Variants in OSBPL8 observed in about 807,000 individuals in gnomAD.
OSBPL8 encodes oxysterol-binding protein-related protein 8.
OSBPL8 carries 59 observed loss-of-function variants against 125.5 expected under a neutral mutation model. That is an observed-to-expected ratio of 0.47 (90% confidence interval 0.38 to 0.58). The LOEUF is 0.58. OSBPL8 is among the 20% of genes least tolerant of loss of function. The pLI is 0.00. For missense variants in OSBPL8, 758 were observed against 1,047.8 expected (o/e 0.72, Z 3.82); for synonymous variants, 330 against 338.9 (o/e 0.97, Z 0.29).
intron 1 of OSBPL8, among the ~76,000 whole-genome samples, chr12:76,533,812 A>G (rs540372024): frequency 6.6e-6 from 1 of 152,232 alleles, no homozygotes; most frequent in African/African-American, 2.4e-5. Flanking sequence ...GGGACTTACT[A>G]TTCATCAAAA....
chr12:76,503,608 G>A (rs893669458), intron 1 of OSBPL8, among the ~76,000 whole-genome samples: 1 of 152,038 alleles, frequency 6.6e-6, no homozygotes, highest in Admixed American at 6.6e-5. Flanking sequence ...GCGCGATCTC[G>A]GCTCACTGCA....
intron 2 of OSBPL8, among the ~76,000 whole-genome samples, chr12:76,485,247 T>C (rs1019068039): frequency 6.6e-6 from 1 of 151,808 alleles, no homozygotes. Context: ...AAACAACTTT[T>C]AACTTCTCAA....
chr12:76,502,430 C>T (rs1442444974), intron 1 of OSBPL8, among the ~76,000 whole-genome samples: 1 of 152,138 alleles, frequency 6.6e-6, no homozygotes, highest in African/African-American at 2.4e-5. Context: ...GGTCCCCATG[C>T]CTCTGAATCA....
chr12:76,367,229 G>GTGT (rs1565829100), intron 21 of OSBPL8, among the ~76,000 whole-genome samples: 19 of 147,168 alleles, frequency 1.3e-4, no homozygotes, highest in Non-Finnish European at 1.5e-4. Flanking sequence ...TTTGTTGATT[G>GTGT]GTGTGTGTGT....
chr12:76,409,451 C>A (rs1160686123), intron 5 of OSBPL8, among the ~76,000 whole-genome samples: 1 of 152,148 alleles, frequency 6.6e-6, no homozygotes, highest in African/African-American at 2.4e-5. Flanking sequence ...CACAGATTTC[C>A]CTGTTCTTTT....
At chr12:76,388,949 AGTGGCACAGAAAG>A (rs564578052) in intron 12 of OSBPL8, among the ~76,000 whole-genome samples, 114 of 152,336 alleles carry the variant, frequency 7.5e-4, no homozygotes, top group African/African-American at 2.0e-3. Flanking sequence ...GCCAGATATC[AGTGGCACAGAAAG>A]CACAGTGCCT....
intron 1 of OSBPL8, 123 bp from the exon 2 acceptor site, chr12:76,487,741 TA>T (rs941297116): frequency 2.8e-3 from 1,089 of 383,858 alleles, no homozygotes; most frequent in Middle Eastern, 4.4e-3. Flanking sequence ...ATTCAATAAT[TA>T]AAAAAAAAAT....
chr12:76,441,175 T>C (rs1263973164), intron 4 of OSBPL8, among the ~76,000 whole-genome samples: 2 of 152,150 alleles, frequency 1.3e-5, no homozygotes, highest in African/African-American at 4.8e-5. Context: ...TACAGGACTA[T>C]TTACAAGCAG....
chr12:76,487,476 A>G, intron 2 of OSBPL8, 34 bp downstream of exon 2: 1 of 1,555,590 alleles, frequency 6.4e-7, no homozygotes. Flanking sequence ...ACAGTTACAG[A>G]TGATAGAACC....
intron 5 of OSBPL8, among the ~76,000 whole-genome samples, chr12:76,408,855 C>T (rs1237498993): frequency 6.6e-6 from 1 of 152,146 alleles, no homozygotes; most frequent in Non-Finnish European, 1.5e-5. Flanking sequence ...AGGCCTCCCC[C>T]TTAAAGGGTA....
chr12:76,511,530 C>T lies in OSBPL8; in HGVS notation c.-67-23912G>A, dbSNP rs560834812. Among the ~76,000 whole-genome samples the T allele has an allele frequency of 6.6e-5, 10 of 152,164 alleles. No homozygotes were observed. In the South Asian group the frequency reaches 8.3e-4, roughly 13 times the overall value. On this transcript the variant is annotated intron_variant, in intron 1 of 23. Transcript: ENST00000261183. ...TGTGGGCCACAGGTATGTCTTCTTTCGAAAAGTGTCTGTTCATGTCTTTTG... is the reference window on the plus strand; with the variant it reads ...TGTGGGCCACAGGTATGTCTTCTTTTGAAAAGTGTCTGTTCATGTCTTTTG...
chr12:76,466,483 C>A (rs569704077), intron 2 of OSBPL8, among the ~76,000 whole-genome samples: 5 of 152,196 alleles, frequency 3.3e-5, no homozygotes, highest in Admixed American at 6.5e-5. Flanking sequence ...CTGAATATGG[C>A]AATATCTAAA....
chr12:76,416,086 A>AT (rs1314610023), intron 4 of OSBPL8, among the ~76,000 whole-genome samples: 1 of 152,250 alleles, frequency 6.6e-6, no homozygotes, highest in East Asian at 1.9e-4. Flanking sequence ...TTAAAGCTAT[A>AT]TTCCACAAAT....
chr12:76,520,508 C>T (rs546124343), intron 1 of OSBPL8, among the ~76,000 whole-genome samples: 2 of 152,178 alleles, frequency 1.3e-5, no homozygotes, highest in South Asian at 2.1e-4. Context: ...ACCTCATGGA[C>T]CTTACATGAG....
chr12:76,504,669 G>T (rs547364196), intron 1 of OSBPL8, among the ~76,000 whole-genome samples: 5 of 152,352 alleles, frequency 3.3e-5, no homozygotes, highest in African/African-American at 9.6e-5. Context: ...AACTTTGGGA[G>T]AAATTTATAG....
chr12:76,402,816 C>G, intron 5 of OSBPL8, 50 bp from the exon 6 acceptor site: 2 of 1,188,222 alleles, frequency 1.7e-6, no homozygotes, highest in Non-Finnish European at 2.4e-6. Context: ...ATTTTCTACA[C>G]GTCGCATAAA....
rs1045582797 is a variant in OSBPL8 at position 76,375,486 on chromosome 12, C to G, written c.1730-116G>C. The G allele has an allele frequency of 4.5e-6, 3 of 670,138 alleles. No homozygotes were observed. In the African/African-American group the frequency reaches 5.4e-5, roughly 12 times the overall value. 41.5% of individuals were successfully genotyped at this position (670,138 alleles called of 1,614,324 possible). A position where few individuals can be genotyped will look rare whatever the true frequency, so the allele number is the denominator to read the frequency against. On this transcript the variant is annotated intron_variant, in intron 16 of 23. Coordinates refer to ENST00000261183, the MANE Select transcript of OSBPL8 (RefSeq NM_020841.5). ...GAAACATAATTCAAAATCACTCTGT[C>G]CCACTCAAATGAAAAACTATAATAT...
At chr12:76,481,327 ATTAG>A (rs1276782680) in intron 2 of OSBPL8, among the ~76,000 whole-genome samples, 2 of 152,234 alleles carry the variant, frequency 1.3e-5, no homozygotes, top group Admixed American at 6.5e-5. Context: ...CTTTCAGAGG[ATTAG>A]TAATTGGCAT....
intron 1 of OSBPL8, among the ~76,000 whole-genome samples, chr12:76,489,265 G>T (rs981505068): frequency 6.6e-6 from 1 of 152,218 alleles, no homozygotes; most frequent in Admixed American, 6.5e-5. Flanking sequence ...ATCTAGCTAA[G>T]ATCATTGATG....
Sources: allele counts gnomAD v4.1 joint callset (sites outside exome capture counted in the v4.1 genomes callset), GRCh38; gene constraint gnomAD v4.1.1; transcripts MANE v1.5; gene names NCBI Gene and HGNC (gene_info 2026-07-23, HGNC 2026-07-21).